Variants in AOAH observed in about 807,000 individuals in gnomAD.
The protein encoded by AOAH is acyloxyacyl hydrolase (neutrophil).
A neutral mutation model predicts 92.2 loss-of-function variants in AOAH; 64 were observed. That is an observed-to-expected ratio of 0.69 (90% confidence interval 0.57 to 0.86). AOAH has a LOEUF of 0.86. Ranked by LOEUF, AOAH falls within the 40% of genes least tolerant of loss-of-function variation. The pLI is 0.00. For synonymous variants in AOAH, 263 were observed against 254.5 expected, an observed-to-expected ratio of 1.03 and a Z score of -0.32; for missense variants, 656 against 694.6, an observed-to-expected ratio of 0.94 and a Z score of 0.62.
rs764909066 is a variant in AOAH at position 36,623,189 on chromosome 7, C to T, written c.582+1G>A. ...ATCTGGTTATTCCTAACAATACTTA[C>T]TGGGAAAACGCTGTATTTGTCTGAA... On this transcript the variant is annotated splice_donor_variant, in intron 7 of 20. Coordinates refer to ENST00000617537, the MANE Select transcript of AOAH (RefSeq NM_001637.4). LOFTEE classifies it high-confidence loss of function. 16 of 1,613,106 alleles carry T rather than the reference C, an allele frequency of 9.9e-6. No individual in the cohort carries two copies. The Admixed American group carries it at 2.2e-4, about 22-fold the overall frequency.
At chr7:36,569,322 G>A (rs372049612) in intron 13 of AOAH, among the ~76,000 whole-genome samples, 1 of 152,094 alleles carries the variant, frequency 6.6e-6, no homozygotes, top group Non-Finnish European at 1.5e-5. Flanking sequence ...CTGTAAAGAG[G>A]GCCTGTGTGC....
intron 1 of AOAH, among the ~76,000 whole-genome samples, chr7:36,718,488 A>G (rs1799392127): frequency 6.6e-6 from 1 of 152,242 alleles, no homozygotes; most frequent in Non-Finnish European, 1.5e-5. Context: ...ACATGTCTAC[A>G]CAAAATCTTG....
At chr7:36,565,338 T>C (rs1787616203) in intron 13 of AOAH, among the ~76,000 whole-genome samples, 1 of 152,200 alleles carries the variant, frequency 6.6e-6, no homozygotes, top group South Asian at 2.1e-4. Flanking sequence ...AACCCAGTAG[T>C]TGGGCTCACC....
chr7:36,716,905 A>G (rs1248145878), intron 1 of AOAH, among the ~76,000 whole-genome samples: 1 of 152,000 alleles, frequency 6.6e-6, no homozygotes, highest in Non-Finnish European at 1.5e-5. Flanking sequence ...GCACACCAAC[A>G]TGGCACATGT....
rs1267946934 is a variant in AOAH at position 36,692,633 on chromosome 7, C to G, written c.128-5839G>C. Among the ~76,000 whole-genome samples, 4 of 152,110 alleles carry G rather than the reference C, an allele frequency of 2.6e-5. 1 individual carries two copies. The East Asian group carries it at 7.7e-4, about 29-fold the overall frequency. ...GAAATGAGCAGGCTGTGTTAAGAGA[C>G]ATAAGGTGACTGGTTTAGCTGATTT... On this transcript the variant is annotated intron_variant, in intron 1 of 20. Coordinates refer to ENST00000617537, the MANE Select transcript of AOAH (RefSeq NM_001637.4).
At chr7:36,518,911 A>G (rs531675141) in intron 20 of AOAH, among the ~76,000 whole-genome samples, 3 of 152,346 alleles carry the variant, frequency 2.0e-5, no homozygotes, top group Admixed American at 6.5e-5. Context: ...GGCAGGATCT[A>G]TACTGACTCC....
chr7:36,672,287 G>A (rs1372331148), intron 3 of AOAH, among the ~76,000 whole-genome samples: 2 of 152,184 alleles, frequency 1.3e-5, no homozygotes, highest in Non-Finnish European at 2.9e-5. Flanking sequence ...TTGTAGAGGG[G>A]GGATGCTGTC....
intron 12 of AOAH, among the ~76,000 whole-genome samples, chr7:36,582,441 T>C (rs916604306): frequency 2.0e-5 from 3 of 152,200 alleles, no homozygotes; most frequent in Non-Finnish European, 4.4e-5. Flanking sequence ...AGGCATTTCA[T>C]GTGAAAACAC....
chr7:36,657,297 C>T (rs372836002), intron 4 of AOAH, among the ~76,000 whole-genome samples: 1 of 152,086 alleles, frequency 6.6e-6, no homozygotes, highest in Admixed American at 6.6e-5. Context: ...GTTCTTTCCT[C>T]GGGAAGTGAC....
intron 13 of AOAH, among the ~76,000 whole-genome samples, chr7:36,570,643 C>T (rs1277037130): frequency 6.6e-6 from 1 of 152,192 alleles, no homozygotes; most frequent in East Asian, 1.9e-4. Flanking sequence ...TCCAGTTTCT[C>T]CACATCCTGT....
In AOAH at chr7:36,516,376, C is replaced by T. The variant is rs1048031441; in HGVS notation, c.1600-2996G>A. On this transcript the variant is annotated intron_variant, in intron 20 of 20. Transcript: ENST00000617537. The surrounding 1 kb of genome is among the most constrained non-coding windows in gnomAD (Gnocchi z 5.0). ...CCCCACAGAAAGCACACAGATACCACACACACCCCCACAGAAAGCACACAG... is the reference window on the plus strand; with the variant it reads ...CCCCACAGAAAGCACACAGATACCATACACACCCCCACAGAAAGCACACAG... Among the ~76,000 whole-genome samples, 2 of 125,552 alleles carry T rather than the reference C, an allele frequency of 1.6e-5. No individual in the cohort carries two copies. The highest frequency in any genetic ancestry group is 6.2e-5 in the African/African-American group (2 of 32,096). The allele number at this position is 125,552 out of a possible 152,430, so 82.4% of individuals were successfully genotyped here.
chr7:36,674,050 C>T (rs190062574), intron 2 of AOAH, 41 bp from the exon 3 acceptor site: 275 of 1,238,298 alleles, frequency 2.2e-4, no homozygotes, highest in African/African-American at 1.2e-3. Flanking sequence ...ATTTTTATTG[C>T]GACGAATTTA....
chr7:36,555,776 G>A (rs1286428221), intron 13 of AOAH, among the ~76,000 whole-genome samples: 2 of 152,170 alleles, frequency 1.3e-5, no homozygotes, highest in African/African-American at 4.8e-5. Context: ...TTTGCGTAGA[G>A]GTGTTTGTAG....
At chr7:36,654,681 T>C (rs1306206547) in intron 4 of AOAH, among the ~76,000 whole-genome samples, 2 of 152,164 alleles carry the variant, frequency 1.3e-5, no homozygotes, top group Non-Finnish European at 2.9e-5. Flanking sequence ...TATATTGTAC[T>C]AGAGTCTGAA....
chr7:36,641,708 T>C (rs1052886519), intron 4 of AOAH, among the ~76,000 whole-genome samples: 1 of 152,144 alleles, frequency 6.6e-6, no homozygotes, highest in Non-Finnish European at 1.5e-5. Context: ...CATTTCGCAT[T>C]CCCCCACTAA....
At chr7:36,698,853 G>T (rs1797870167) in intron 1 of AOAH, among the ~76,000 whole-genome samples, 1 of 151,944 alleles carries the variant, frequency 6.6e-6, no homozygotes, top group South Asian at 2.1e-4. Flanking sequence ...ATGCACAATA[G>T]GTTATTGTAA....
chr7:36,692,060 C>A (rs1797434417), intron 1 of AOAH, among the ~76,000 whole-genome samples: 1 of 152,142 alleles, frequency 6.6e-6, no homozygotes, highest in Non-Finnish European at 1.5e-5. Flanking sequence ...TCCAACTGTG[C>A]CCAGCTCACA....
In AOAH at chr7:36,610,816, G is replaced by A. The variant is rs190426406; in HGVS notation, c.846+5564C>T. On this transcript the variant is annotated intron_variant, in intron 11 of 20. Coordinates refer to ENST00000617537, the MANE Select transcript of AOAH (RefSeq NM_001637.4). ...GACAGGGCACAGATTGCCTTGTTGC[G>A]CTTTGACATCACCATGACAAGAAGA... 1.5e-3 allele frequency among the ~76,000 whole-genome samples: 224 copies of A among 152,172 alleles called. 1 individual carries two copies. Among genetic ancestry groups the A allele is most frequent in the East Asian group, 5.6e-3 (29 of 5,186 alleles).
intron 13 of AOAH, among the ~76,000 whole-genome samples, chr7:36,553,900 T>C (rs1786476062): frequency 6.6e-6 from 1 of 152,152 alleles, no homozygotes. Flanking sequence ...GTCAGATGAG[T>C]AGGTTGGGAA....
Sources: allele counts gnomAD v4.1 joint callset (sites outside exome capture counted in the v4.1 genomes callset), GRCh38; gene constraint gnomAD v4.1.1; non-coding constraint Gnocchi (gnomAD v3.1); transcripts MANE v1.5; gene names NCBI Gene and HGNC (gene_info 2026-07-23, HGNC 2026-07-21).